NKAIN3: variants seen among roughly 807,000 people sequenced by gnomAD.
NKAIN3 encodes the protein sodium/potassium-transporting ATPase subunit beta-1-interacting protein 3.
NKAIN3 carries 25 observed loss-of-function variants against 30.2 expected under a neutral mutation model. The ratio of observed to expected loss-of-function variants is 0.83; its 90% CI spans 0.60 to 1.16. NKAIN3 has a LOEUF of 1.16. Ranked by LOEUF, NKAIN3 falls within the 50% of genes most tolerant of loss-of-function variation. The probability of loss-of-function intolerance (pLI) is 0.00; values close to 1 mark genes in which losing one functional copy is unlikely to be tolerated. For missense variants in NKAIN3, 225 were observed against 254.1 expected, an observed-to-expected ratio of 0.89 and a Z score of 0.78; for synonymous variants, 91 against 89.6, an observed-to-expected ratio of 1.02 and a Z score of -0.09.
chr8:62,622,012 G>A (rs1811630521), intron 3 of NKAIN3, among the ~76,000 whole-genome samples: 2 of 151,778 alleles, frequency 1.3e-5, no homozygotes, highest in Admixed American at 1.3e-4. Flanking sequence ...GTCTATAATT[G>A]TGGCATTTCA....
chr8:62,987,161 T>G (rs1394667592), downstream of NKAIN3, among the ~76,000 whole-genome samples: 2 of 152,136 alleles, frequency 1.3e-5, no homozygotes, highest in African/African-American at 2.4e-5. Flanking sequence ...CCGAGGTGGC[T>G]GAATCGCTTG....
chr8:62,349,076 T>C (rs950188570), intron 1 of NKAIN3, among the ~76,000 whole-genome samples: 5 of 152,208 alleles, frequency 3.3e-5, no homozygotes, highest in African/African-American at 9.6e-5. Context: ...TTAATAGTTA[T>C]CATTTAAAAA....
At chr8:62,716,444 G>A (rs999046857) in intron 3 of NKAIN3, among the ~76,000 whole-genome samples, 1 of 152,082 alleles carries the variant, frequency 6.6e-6, no homozygotes, top group Non-Finnish European at 1.5e-5. Flanking sequence ...TTCTGATAAT[G>A]GATTCATGAC....
intron 1 of NKAIN3, among the ~76,000 whole-genome samples, chr8:62,340,920 T>G (rs16928716): frequency 0.039 from 5,958 of 151,878 alleles, 424 homozygotes; most frequent in African/African-American, 0.14. Context: ...CATTCATTCT[T>G]CAAAACAGAC....
At chr8:62,809,351 A>G (rs908271314) in intron 4 of NKAIN3, among the ~76,000 whole-genome samples, 2 of 152,208 alleles carry the variant, frequency 1.3e-5, no homozygotes, top group Non-Finnish European at 2.9e-5. Context: ...TCACAAGAGT[A>G]TTGATTGGGG....
chr8:62,429,815 T>A (rs1017171426), intron 1 of NKAIN3, among the ~76,000 whole-genome samples: 1 of 151,866 alleles, frequency 6.6e-6, no homozygotes, highest in Non-Finnish European at 1.5e-5. Context: ...TTTTTAATTA[T>A]TTTTTTATTG....
intron 3 of NKAIN3, among the ~76,000 whole-genome samples, chr8:62,687,348 T>G (rs1029519700): frequency 6.6e-6 from 1 of 152,232 alleles, no homozygotes; most frequent in Non-Finnish European, 1.5e-5. Flanking sequence ...ATTACACTAT[T>G]CTCGTCCCTT....
intron 4 of NKAIN3, among the ~76,000 whole-genome samples, chr8:62,899,543 C>T (rs1821536652): frequency 2.0e-5 from 3 of 151,920 alleles, no homozygotes; most frequent in Non-Finnish European, 2.9e-5. Flanking sequence ...AAAAATCAAA[C>T]TCATGGAGAT....
At chr8:62,332,171 A>G (rs1160480015) in intron 1 of NKAIN3, among the ~76,000 whole-genome samples, 1 of 152,152 alleles carries the variant, frequency 6.6e-6, no homozygotes, top group Non-Finnish European at 1.5e-5. Context: ...GAAATAAGAT[A>G]ATGTTTCTCA....
chr8:62,524,634 A>G (rs1218445945), intron 1 of NKAIN3, among the ~76,000 whole-genome samples: 1 of 152,146 alleles, frequency 6.6e-6, no homozygotes, highest in Non-Finnish European at 1.5e-5. Flanking sequence ...GCATTCTTCA[A>G]TTATTTGAAA....
intron 3 of NKAIN3, among the ~76,000 whole-genome samples, chr8:62,640,940 G>A (rs551836451): frequency 6.6e-6 from 1 of 151,978 alleles, no homozygotes; most frequent in Non-Finnish European, 1.5e-5. Flanking sequence ...CCCCAGTAAT[G>A]TCTAACCCTC....
intron 4 of NKAIN3, among the ~76,000 whole-genome samples, chr8:62,765,504 G>C (rs751523127): frequency 6.6e-6 from 1 of 152,152 alleles, no homozygotes; most frequent in Non-Finnish European, 1.5e-5. Context: ...TTCTTGAGCA[G>C]ATGTGGTAAA....
At position 62,627,751 on chromosome 8, in the gene NKAIN3, C is replaced by A. The variant is rs190160479; in HGVS notation, c.273+37957C>A. Among the ~76,000 whole-genome samples the A allele has an allele frequency of 1.1e-3, 167 of 152,080 alleles. 1 individual carries two copies. The highest frequency in any genetic ancestry group is 3.4e-3 in the Admixed American group (52 of 15,262). The stretch of plus-strand genomic sequence containing the variant: ...GGACAAGAAATACACTTTTTGTCAT[C>A]CTTAGATTGCTAGTTTCATGGTGGT... On this transcript the variant is annotated intron_variant, in intron 3 of 6. Transcript: ENST00000623646.
intron 1 of NKAIN3, among the ~76,000 whole-genome samples, chr8:62,451,123 C>T (rs980331406): frequency 6.6e-6 from 1 of 152,130 alleles, no homozygotes; most frequent in Non-Finnish European, 1.5e-5. Context: ...GCAGCTATCA[C>T]CCATGACTAT....
rs1585633538 is a variant in NKAIN3 at position 62,970,122 on chromosome 8, G to T, written c.*4715G>T. Among the ~76,000 whole-genome samples, 1 of 69,046 alleles carries T rather than the reference G, an allele frequency of 1.4e-5. No homozygotes were observed. The highest frequency in any genetic ancestry group is 2.4e-5 in the Non-Finnish European group (1 of 42,352). The allele number at this position is 69,046 out of a possible 152,430, so 45.3% of individuals were successfully genotyped here. On this transcript the variant is annotated 3_prime_UTR_variant, in exon 7 of 7. Transcript: ENST00000623646. ...TACCTATGACCCCAGCCACTTGAGGGACTGAGGGAAGGGAAGATTACTTGA... is the reference window on the plus strand; with the variant it reads ...TACCTATGACCCCAGCCACTTGAGGTACTGAGGGAAGGGAAGATTACTTGA...
intron 1 of NKAIN3, among the ~76,000 whole-genome samples, chr8:62,559,370 G>A (rs1809499539): frequency 6.6e-6 from 1 of 151,916 alleles, no homozygotes; most frequent in African/African-American, 2.4e-5. Flanking sequence ...AATCTACTCT[G>A]ACAATTGTTT....
intron 1 of NKAIN3, among the ~76,000 whole-genome samples, chr8:62,379,827 A>G (rs1817213213): frequency 6.6e-6 from 1 of 152,146 alleles, no homozygotes; most frequent in African/African-American, 2.4e-5. Flanking sequence ...TTTTCAGGAC[A>G]GACCTTCCAC....
intron 3 of NKAIN3, among the ~76,000 whole-genome samples, chr8:62,619,476 A>G (rs1283137672): frequency 6.6e-6 from 1 of 152,100 alleles, no homozygotes; most frequent in African/African-American, 2.4e-5. Flanking sequence ...TGTTAAATCT[A>G]CCTACAACCT....
intron 1 of NKAIN3, among the ~76,000 whole-genome samples, chr8:62,328,960 A>G (rs572558119): frequency 3.3e-5 from 5 of 152,254 alleles, no homozygotes; most frequent in African/African-American, 9.6e-5. Flanking sequence ...CAAGATAGGT[A>G]GTAAAAGATC....
Sources: gnomAD v4.1 joint callset for allele counts (sites outside exome capture counted in the v4.1 genomes callset) on GRCh38, gnomAD v4.1.1 for gene constraint, MANE v1.5 for transcripts, NCBI Gene and HGNC (gene_info 2026-07-23, HGNC 2026-07-21) for gene names.